MAGI2: variants seen among roughly 807,000 people sequenced by gnomAD.
The protein encoded by MAGI2 is membrane-associated guanylate kinase, WW and PDZ domain-containing protein 2.
A neutral mutation model predicts 133.3 loss-of-function variants in MAGI2; 35 were observed. The observed-to-expected ratio is 0.26, with a 90% CI of 0.20 to 0.35. The LOEUF (loss-of-function observed/expected upper bound fraction) is 0.35. Ranked by LOEUF, MAGI2 falls within the 10% of genes least tolerant of loss-of-function variation. The probability of loss-of-function intolerance (pLI) is 1.00; values close to 1 mark genes in which losing one functional copy is unlikely to be tolerated. For synonymous variants in MAGI2, 729 were observed against 710.6 expected, an observed-to-expected ratio of 1.03 and a Z score of -0.41; for missense variants, 1,636 against 1,863.4, an observed-to-expected ratio of 0.88 and a Z score of 2.25.
At chr7:79,271,687 G>A (rs1345896282) in intron 1 of MAGI2, among the ~76,000 whole-genome samples, 2 of 137,406 alleles carry the variant, frequency 1.5e-5, no homozygotes, top group African/African-American at 5.3e-5. Context: ...TTTTTGTGAA[G>A]ACTGTTGGAT....
chr7:79,282,283 G>A (rs1004289818), intron 1 of MAGI2, among the ~76,000 whole-genome samples: 2 of 152,150 alleles, frequency 1.3e-5, no homozygotes, highest in African/African-American at 4.8e-5. Context: ...GTCAGCAACT[G>A]AAGAGAGCTG....
chr7:79,175,388 T>C (rs1241712414), intron 1 of MAGI2, among the ~76,000 whole-genome samples: 1 of 151,944 alleles, frequency 6.6e-6, no homozygotes, highest in Non-Finnish European at 1.5e-5. Context: ...AAACAACCTC[T>C]CTGTTGCCCC....
At chr7:78,924,853 CTAT>C (rs1287134682) in intron 2 of MAGI2, among the ~76,000 whole-genome samples, 50 of 148,812 alleles carry the variant, frequency 3.4e-4, no homozygotes, top group Admixed American at 2.1e-3. Flanking sequence ...ATTATTACTA[CTAT>C]TATTATTATT....
chr7:79,055,244 T>C (rs964734099), intron 1 of MAGI2, among the ~76,000 whole-genome samples: 1 of 152,002 alleles, frequency 6.6e-6, no homozygotes, highest in African/African-American at 2.4e-5. Context: ...GAAACTGTTT[T>C]AGGTTAAGCT....
chr7:79,305,756 A>G (rs1837736617), intron 1 of MAGI2, among the ~76,000 whole-genome samples: 1 of 152,114 alleles, frequency 6.6e-6, no homozygotes, highest in Non-Finnish European at 1.5e-5. Context: ...AAAAATAAGA[A>G]TAAAATACAA....
At chr7:78,295,155 A>G (rs199676359) in intron 9 of MAGI2, among the ~76,000 whole-genome samples, 1 of 152,148 alleles carries the variant, frequency 6.6e-6, no homozygotes, top group East Asian at 1.9e-4. Context: ...ATAACTGACT[A>G]TAATTTTTGA....
chr7:79,370,939 T>G (rs1407452456), intron 1 of MAGI2, among the ~76,000 whole-genome samples: 1 of 152,078 alleles, frequency 6.6e-6, no homozygotes, highest in Non-Finnish European at 1.5e-5. Context: ...CACTCTTGAA[T>G]CCAGTTTTTC....
At chr7:79,156,282 C>A (rs919274440) in intron 1 of MAGI2, among the ~76,000 whole-genome samples, 1 of 152,032 alleles carries the variant, frequency 6.6e-6, no homozygotes, top group Non-Finnish European at 1.5e-5. Flanking sequence ...TTTGAGATAA[C>A]CCTATAAAAC....
intron 2 of MAGI2, among the ~76,000 whole-genome samples, chr7:78,635,295 T>G (rs987337256): frequency 6.6e-6 from 1 of 152,344 alleles, no homozygotes; most frequent in East Asian, 1.9e-4. Context: ...TTTTTTGTCT[T>G]AGGAAGAAAA....
chr7:79,205,044 G>C (rs1428357966), intron 1 of MAGI2, among the ~76,000 whole-genome samples: 1 of 151,520 alleles, frequency 6.6e-6, no homozygotes, highest in African/African-American at 2.4e-5. Context: ...GAAAGATCAA[G>C]GGTTAGAAAG....
chr7:78,605,080 T>C (rs993265456), intron 3 of MAGI2, among the ~76,000 whole-genome samples: 2 of 152,198 alleles, frequency 1.3e-5, no homozygotes, highest in Admixed American at 6.5e-5. Context: ...GAAATAAGAC[T>C]GGCTTCGTAT....
chr7:78,247,206 T>C (rs568398612), intron 10 of MAGI2, among the ~76,000 whole-genome samples: 66 of 152,186 alleles, frequency 4.3e-4, no homozygotes, highest in Middle Eastern at 3.4e-3. Context: ...TCAAAACTCT[T>C]GCCACCAAGA....
At chr7:78,552,569 T>G (rs972667896) in intron 3 of MAGI2, among the ~76,000 whole-genome samples, 2 of 152,070 alleles carry the variant, frequency 1.3e-5, no homozygotes, top group Non-Finnish European at 2.9e-5. Flanking sequence ...TTTGTAAAGG[T>G]AAAAATGAGA....
chr7:79,043,942 C>T (rs1811930444), intron 1 of MAGI2, among the ~76,000 whole-genome samples: 1 of 152,034 alleles, frequency 6.6e-6, no homozygotes, highest in South Asian at 2.1e-4. Flanking sequence ...TAAAAAGCTT[C>T]CCAACCAGAA....
intron 2 of MAGI2, among the ~76,000 whole-genome samples, chr7:78,869,916 A>G (rs1282445547): frequency 6.6e-6 from 1 of 152,032 alleles, no homozygotes; most frequent in Non-Finnish European, 1.5e-5. Context: ...ATTTGGCTTT[A>G]TTTCTGGGCT....
intron 2 of MAGI2, among the ~76,000 whole-genome samples, chr7:78,824,646 A>G (rs78531240): frequency 0.073 from 11,150 of 152,114 alleles, 441 homozygotes; most frequent in Admixed American, 0.12. Flanking sequence ...AAATTTATTT[A>G]AGTTCCTTGT....
At chr7:79,426,512 C>T (rs116463718) in intron 1 of MAGI2, among the ~76,000 whole-genome samples, 1,585 of 152,254 alleles carry the variant, frequency 0.01, 30 homozygotes, top group African/African-American at 0.037. Context: ...TTTCTCACAG[C>T]TTCTGACTTA....
At chr7:79,345,404 T>A (rs2129104566) in intron 1 of MAGI2, among the ~76,000 whole-genome samples, 1 of 152,170 alleles carries the variant, frequency 6.6e-6, no homozygotes, top group African/African-American at 2.4e-5. Flanking sequence ...GACAGTTTGA[T>A]CTTGAAATTC....
At chr7:78,217,556 A>G (rs2150827212) in intron 10 of MAGI2, among the ~76,000 whole-genome samples, 1 of 152,312 alleles carries the variant, frequency 6.6e-6, no homozygotes, top group Middle Eastern at 3.4e-3. Context: ...TGTGTGAAGG[A>G]GGCAGGAAAG....
Sources: gnomAD v4.1 joint callset for allele counts (sites outside exome capture counted in the v4.1 genomes callset) on GRCh38, gnomAD v4.1.1 for gene constraint, MANE v1.5 for transcripts, NCBI Gene and HGNC (gene_info 2026-07-23, HGNC 2026-07-21) for gene names.